The following LOC400499 variants were observed in gnomAD, a reference collection of about 807,000 sequenced individuals.
the LOC400499 span, among the ~76,000 whole-genome samples, chr16:11,403,737 A>G: frequency 1 from 151,879 of 152,322 alleles, 75,736 homozygotes; most frequent in Middle Eastern, 1. Context: ...CCCAGGCCAC[A>G]AATTACAGCC....
chr16:11,394,770 C>A, the LOC400499 span, among the ~76,000 whole-genome samples: 5 of 152,180 alleles, frequency 3.3e-5, no homozygotes, highest in African/African-American at 1.2e-4. Context: ...GATGCCACCA[C>A]AGCCGTGGGT....
At chr16:11,445,082 T>A in the LOC400499 span, among the ~76,000 whole-genome samples, 1 of 88,818 alleles carries the variant, frequency 1.1e-5, no homozygotes, top group African/African-American at 4.6e-5. Flanking sequence ...GAGTGAGACT[T>A]TGTCTTTAAA....
At chr16:11,455,824 T>TTA in the LOC400499 span, among the ~76,000 whole-genome samples, 1 of 151,922 alleles carries the variant, frequency 6.6e-6, no homozygotes, top group Non-Finnish European at 1.5e-5. Context: ...TTAATCAACT[T>TTA]TTATAAACTT....
chr16:11,404,992 T>G, the LOC400499 span: 1 of 396,980 alleles, frequency 2.5e-6, no homozygotes. Flanking sequence ...TCCTGAATGG[T>G]GACATATGTC....
the LOC400499 span, among the ~76,000 whole-genome samples, chr16:11,513,516 C>T: frequency 2.0e-5 from 3 of 152,168 alleles, no homozygotes; most frequent in South Asian, 4.2e-4. Context: ...ACTGCACCTC[C>T]GCCTCCCGGG....
At chr16:11,469,306 G>A in the LOC400499 span, 2 of 399,176 alleles carry the variant, frequency 5.0e-6, no homozygotes, top group African/African-American at 2.1e-5. Flanking sequence ...TCTGGATCTG[G>A]CCCCTCCGTC....
At chr16:11,409,190 G>A in the LOC400499 span, among the ~76,000 whole-genome samples, 1 of 152,192 alleles carries the variant, frequency 6.6e-6, no homozygotes, top group East Asian at 1.9e-4. Context: ...AAGCCCAGGT[G>A]GCGGAGGTTG....
chr16:11,411,234 G>A, the LOC400499 span: 3 of 399,348 alleles, frequency 7.5e-6, no homozygotes, highest in African/African-American at 2.1e-5. Flanking sequence ...CAGGCAGCTG[G>A]GGCACAGTTA....
the LOC400499 span, among the ~76,000 whole-genome samples, chr16:11,453,213 A>C: frequency 6.6e-6 from 1 of 152,330 alleles, no homozygotes; most frequent in South Asian, 2.1e-4. Context: ...TAAGGAGAAT[A>C]GATTTTTTTA....
the LOC400499 span, among the ~76,000 whole-genome samples, chr16:11,473,462 T>G: frequency 1.1e-4 from 17 of 152,180 alleles, no homozygotes; most frequent in African/African-American, 4.1e-4. Context: ...GCATTATTAT[T>G]AACGAAGTTT....
the LOC400499 span, among the ~76,000 whole-genome samples, chr16:11,455,930 C>T: frequency 6.6e-6 from 1 of 151,972 alleles, no homozygotes; most frequent in African/African-American, 2.4e-5. Context: ...AATGAGCCCC[C>T]ATGGGACCCA....
At chr16:11,412,449 A>T in the LOC400499 span, among the ~76,000 whole-genome samples, 2 of 152,126 alleles carry the variant, frequency 1.3e-5, no homozygotes, top group South Asian at 4.1e-4. Context: ...CCCTTCAACA[A>T]GTGGCTTACT....
At chr16:11,400,060 G>A in the LOC400499 span, among the ~76,000 whole-genome samples, 2 of 146,120 alleles carry the variant, frequency 1.4e-5, no homozygotes, top group African/African-American at 5.1e-5. Context: ...GCATTTAAAT[G>A]AAAAAAAAAA....
At chr16:11,412,542 C>T in the LOC400499 span, among the ~76,000 whole-genome samples, 6 of 152,220 alleles carry the variant, frequency 3.9e-5, no homozygotes, top group African/African-American at 4.8e-5. Context: ...GAGCACCAAG[C>T]GCCTCACCAG....
the LOC400499 span, among the ~76,000 whole-genome samples, chr16:11,489,604 T>C: frequency 6.6e-6 from 1 of 152,094 alleles, no homozygotes; most frequent in Non-Finnish European, 1.5e-5. Flanking sequence ...TATCACAGAA[T>C]AGAGCAGAAT....
At chr16:11,515,474 C>T in the LOC400499 span, among the ~76,000 whole-genome samples, 17 of 144,794 alleles carry the variant, frequency 1.2e-4, no homozygotes, top group African/African-American at 4.6e-4. Flanking sequence ...TACATACATA[C>T]GTACGTACAT....
chr16:11,373,181 A>ATG, the LOC400499 span, among the ~76,000 whole-genome samples: 1 of 152,206 alleles, frequency 6.6e-6, no homozygotes, highest in Non-Finnish European at 1.5e-5. Flanking sequence ...GATCTTCAGT[A>ATG]CAGCATGCAG....
the LOC400499 span, among the ~76,000 whole-genome samples, chr16:11,422,867 C>T: frequency 2.6e-5 from 4 of 152,226 alleles, no homozygotes; most frequent in Admixed American, 6.5e-5. Context: ...ACATGCCCAC[C>T]GCCAGCCCAG....
chr16:11,455,940 A>T, the LOC400499 span, among the ~76,000 whole-genome samples: 1 of 152,160 alleles, frequency 6.6e-6, no homozygotes, highest in Admixed American at 6.5e-5. Flanking sequence ...CATGGGACCC[A>T]GCTTCGACAA....
Sources: gnomAD v4.1 joint callset for allele counts (sites outside exome capture counted in the v4.1 genomes callset) on GRCh38, gnomAD v4.1.1 for gene constraint, MANE v1.5 for transcripts.